BANK1: variants seen among roughly 807,000 people sequenced by gnomAD.
BANK1 encodes the protein B-cell scaffold protein with ankyrin repeats.
A neutral mutation model predicts 94.5 loss-of-function variants in BANK1; 95 were observed. The observed-to-expected ratio is 1.00, with a 90% CI of 0.85 to 1.19. The LOEUF (loss-of-function observed/expected upper bound fraction) is 1.19, where lower values mean the gene tolerates loss of function less well. BANK1 is among the 50% of genes most tolerant of loss of function. The pLI, the probability that BANK1 is intolerant of heterozygous loss-of-function variation, is 0.00. For synonymous variants in BANK1, 334 were observed against 308.4 expected, an observed-to-expected ratio of 1.08 and a Z score of -0.87; for missense variants, 987 against 932.2, an observed-to-expected ratio of 1.06 and a Z score of -0.77.
intron 10 of BANK1, among the ~76,000 whole-genome samples, chr4:102,031,675 T>C (rs1727320257): frequency 6.6e-6 from 1 of 152,194 alleles, no homozygotes; most frequent in Admixed American, 6.5e-5. Flanking sequence ...TGATACTTCC[T>C]TCCTAATTCT....
chr4:101,996,878 G>A (rs184757441), intron 7 of BANK1, among the ~76,000 whole-genome samples: 27 of 152,292 alleles, frequency 1.8e-4, no homozygotes, highest in Admixed American at 1.5e-3. Context: ...TCTGCAAACA[G>A]AGACAATTTG....
intron 7 of BANK1, among the ~76,000 whole-genome samples, chr4:101,989,877 C>T (rs1042042799): frequency 5.3e-5 from 8 of 152,174 alleles, no homozygotes; most frequent in African/African-American, 1.9e-4. Flanking sequence ...TAAAACAACA[C>T]ACTGTCTTCT....
At chr4:102,040,846 G>A (rs1037043799) in intron 10 of BANK1, among the ~76,000 whole-genome samples, 7 of 151,862 alleles carry the variant, frequency 4.6e-5, no homozygotes, top group South Asian at 4.2e-4. Context: ...ATTAGAGATC[G>A]TCACATCTAA....
chr4:101,973,165 A>G (rs184002720), intron 7 of BANK1, among the ~76,000 whole-genome samples: 13 of 152,178 alleles, frequency 8.5e-5, no homozygotes, highest in African/African-American at 2.9e-4. Context: ...ACCACAACCA[A>G]TGTCAAGTAT....
At chr4:101,899,788 C>G (rs1722213527) in intron 6 of BANK1, among the ~76,000 whole-genome samples, 1 of 152,092 alleles carries the variant, frequency 6.6e-6, no homozygotes, top group Non-Finnish European at 1.5e-5. Flanking sequence ...AGAATCACTC[C>G]CCAGACAAGG....
At chr4:101,912,739 G>T (rs893713636) in intron 6 of BANK1, among the ~76,000 whole-genome samples, 4 of 151,162 alleles carry the variant, frequency 2.6e-5, no homozygotes, top group Non-Finnish European at 4.4e-5. Flanking sequence ...TTTTCATTTT[G>T]TCCCTATAAT....
intron 7 of BANK1, among the ~76,000 whole-genome samples, chr4:101,956,682 C>T (rs774045211): frequency 7.2e-5 from 11 of 152,166 alleles, no homozygotes; most frequent in Non-Finnish European, 1.3e-4. Flanking sequence ...GCACTCATCC[C>T]TTATCCTCAG....
At chr4:102,007,099 T>TTA (rs1218902003) in intron 7 of BANK1, among the ~76,000 whole-genome samples, 14 of 70,562 alleles carry the variant, frequency 2.0e-4, no homozygotes, top group Admixed American at 4.9e-4. Flanking sequence ...TATAATATAT[T>TTA]TATATATATA....
At chr4:102,048,720 G>A (rs1317095977) in intron 11 of BANK1, among the ~76,000 whole-genome samples, 2 of 152,150 alleles carry the variant, frequency 1.3e-5, no homozygotes, top group Non-Finnish European at 2.9e-5. Flanking sequence ...AGAGCCAACT[G>A]TTTTCCCATT....
At chr4:101,859,496 C>T (rs561936282) in intron 3 of BANK1, among the ~76,000 whole-genome samples, 2 of 152,260 alleles carry the variant, frequency 1.3e-5, no homozygotes, top group East Asian at 1.9e-4. Context: ...ACCTTTGTTT[C>T]CCTGAATGCT....
intron 2 of BANK1, among the ~76,000 whole-genome samples, chr4:101,852,351 A>C (rs1578357150): frequency 6.7e-6 from 1 of 150,118 alleles, no homozygotes; most frequent in Non-Finnish European, 1.5e-5. Context: ...AGTGTAGAAA[A>C]ATCAGAATAT....
At chr4:101,855,637 T>A (rs1366589511) in intron 3 of BANK1, among the ~76,000 whole-genome samples, 1 of 152,208 alleles carries the variant, frequency 6.6e-6, no homozygotes, top group Non-Finnish European at 1.5e-5. Flanking sequence ...TTGCAATAGC[T>A]CTCAAGCTAG....
At chr4:102,066,054 T>G (rs1728580391) in intron 13 of BANK1, among the ~76,000 whole-genome samples, 1 of 152,160 alleles carries the variant, frequency 6.6e-6, no homozygotes, top group South Asian at 2.1e-4. Flanking sequence ...CACTTGCATA[T>G]TGCTGAAAAA....
intron 13 of BANK1, 75 bp from the exon 14 acceptor site, chr4:102,071,200 T>G: frequency 6.6e-7 from 1 of 1,505,214 alleles, no homozygotes; most frequent in Non-Finnish European, 9.2e-7. Flanking sequence ...GTCCAACAAT[T>G]AAAAAAATAA....
intron 7 of BANK1, among the ~76,000 whole-genome samples, chr4:101,983,912 G>A (rs1433129043): frequency 1.3e-5 from 2 of 151,952 alleles, no homozygotes; most frequent in Non-Finnish European, 2.9e-5. Flanking sequence ...GCAAAGAATA[G>A]TACTGAGAGG....
intron 1 of BANK1, among the ~76,000 whole-genome samples, chr4:101,828,226 A>G (rs1726439484): frequency 6.6e-6 from 1 of 151,596 alleles, no homozygotes. Flanking sequence ...TCCAACCTCC[A>G]TTATTAGCAT....
At chr4:102,001,915 A>C (rs1726090242) in intron 7 of BANK1, among the ~76,000 whole-genome samples, 1 of 152,222 alleles carries the variant, frequency 6.6e-6, no homozygotes, top group Admixed American at 6.5e-5. Context: ...ATGTTACTTA[A>C]GTAATTCATA....
chr4:102,067,480 T>C (rs1220885163), intron 13 of BANK1, among the ~76,000 whole-genome samples: 3 of 151,864 alleles, frequency 2.0e-5, no homozygotes, highest in African/African-American at 4.8e-5. Flanking sequence ...CCTATGACAA[T>C]AGTAAACATA....
intron 7 of BANK1, among the ~76,000 whole-genome samples, chr4:101,961,861 A>G (rs1262544044): frequency 6.6e-6 from 1 of 152,120 alleles, no homozygotes; most frequent in Non-Finnish European, 1.5e-5. Flanking sequence ...GGAGCAAATT[A>G]CCCTGCTAAG....
Sources: allele counts gnomAD v4.1 joint callset (sites outside exome capture counted in the v4.1 genomes callset), GRCh38; gene constraint gnomAD v4.1.1; transcripts MANE v1.5; gene names NCBI Gene and HGNC (gene_info 2026-07-23, HGNC 2026-07-21).